ARID2: variants seen among roughly 807,000 people sequenced by gnomAD.
The protein encoded by ARID2 is AT-rich interaction domain 2, also known as AT-rich interactive domain-containing protein 2.
A neutral mutation model predicts 184.6 loss-of-function variants in ARID2; 32 were observed. That is an observed-to-expected ratio of 0.17 (90% CI 0.13 to 0.23). The LOEUF is 0.23. Among genes scored for constraint, ARID2 ranks in the 10% least tolerant of loss-of-function variants. ARID2 has a pLI of 1.00. For synonymous variants in ARID2, 836 were observed against 772.6 expected (o/e 1.08, Z -1.36); for missense variants, 1,696 against 2,197.6 (o/e 0.77, Z 4.56).
rs760970569 is a variant in ARID2 at position 45,849,719 on chromosome 12, A to G, written c.1855A>G (p.Thr619Ala). Residue 619 changes from threonine (T) to alanine (A), a missense_variant, in exon 14 of 21, where the codon ACT becomes GCT. Physicochemically the swap from Thr to Ala is moderately conservative, Grantham distance 58. This residue lies in a region of ARID2 where 713 missense variants were observed against 824.4 expected (regional missense o/e 0.86). Coordinates refer to ENST00000334344, the MANE Select transcript of ARID2 (RefSeq NM_152641.4). ...QMYYQQQPVSTSVVRVDSVPD... is the reference protein window; with the variant it reads ...QMYYQQQPVSASVVRVDSVPD... ...GTACTATCAGCAGCAACCAGTTTCTACTTCTGTTGTTCGTGTTGATTCTGT... is the reference window on the plus strand; with the variant it reads ...GTACTATCAGCAGCAACCAGTTTCTGCTTCTGTTGTTCGTGTTGATTCTGT... 6.2e-7 allele frequency: 1 copy of G among 1,613,596 alleles called. No homozygotes were observed.
chr12:45,763,251 A>T (rs1941712860), intron 3 of ARID2, among the ~76,000 whole-genome samples: 1 of 152,166 alleles, frequency 6.6e-6, no homozygotes, highest in Admixed American at 6.5e-5. Context: ...CGGGTGGATC[A>T]TGAGGTCAGG....
chr12:45,773,288 TAAAA>T (rs1565590719), intron 3 of ARID2, among the ~76,000 whole-genome samples: 1 of 151,762 alleles, frequency 6.6e-6, no homozygotes, highest in Non-Finnish European at 1.5e-5. Context: ...AAATGTCTAT[TAAAA>T]AAGAAGAAAA....
chr12:45,766,655 A>T (rs1941775234), intron 3 of ARID2, among the ~76,000 whole-genome samples: 1 of 151,858 alleles, frequency 6.6e-6, no homozygotes, highest in South Asian at 2.1e-4. Flanking sequence ...CTGGGACTAC[A>T]GGCACCCACC....
At chr12:45,887,852 A>C (rs1027349964) in intron 16 of ARID2, among the ~76,000 whole-genome samples, 1 of 152,204 alleles carries the variant, frequency 6.6e-6, no homozygotes. Context: ...ACCAATATAT[A>C]AGTGAAGGAG....
At chr12:45,886,658 A>G (rs1360130081) in intron 16 of ARID2, among the ~76,000 whole-genome samples, 1 of 152,172 alleles carries the variant, frequency 6.6e-6, no homozygotes, top group African/African-American at 2.4e-5. Context: ...GTTCCCAAAC[A>G]TCCTCTGAAA....
chr12:45,883,439 G>C (rs1422894719), intron 16 of ARID2, among the ~76,000 whole-genome samples: 1 of 150,228 alleles, frequency 6.7e-6, no homozygotes, highest in African/African-American at 2.5e-5. Context: ...TGAGAATCTA[G>C]TATGTACTTC....
chr12:45,843,257 T>C (rs1247080103), intron 11 of ARID2, among the ~76,000 whole-genome samples: 2 of 149,986 alleles, frequency 1.3e-5, no homozygotes, highest in African/African-American at 5.1e-5. Context: ...ATTCAAGAAG[T>C]TTTAGCACAG....
At chr12:45,831,406 G>A (rs1040331515) in intron 6 of ARID2, among the ~76,000 whole-genome samples, 1 of 152,094 alleles carries the variant, frequency 6.6e-6, no homozygotes, top group Non-Finnish European at 1.5e-5. Flanking sequence ...TGGATATGTA[G>A]TAGGTTCATA....
intron 3 of ARID2, among the ~76,000 whole-genome samples, chr12:45,736,501 A>T (rs755503076): frequency 9.2e-5 from 14 of 152,170 alleles, no homozygotes; most frequent in Non-Finnish European, 1.9e-4. Context: ...TTTTAGGTAA[A>T]GTATTTAAAA....
At chr12:45,805,037 T>A (rs1942575676) in intron 3 of ARID2, among the ~76,000 whole-genome samples, 1 of 152,128 alleles carries the variant, frequency 6.6e-6, no homozygotes. Flanking sequence ...CCATATAGTA[T>A]TTTATTGCCT....
intron 20 of ARID2, among the ~76,000 whole-genome samples, chr12:45,899,270 CAAAAA>C (rs774912363): frequency 1.9e-4 from 9 of 46,334 alleles, no homozygotes; most frequent in African/African-American, 1.3e-3. Context: ...GACTCTGTCT[CAAAAA>C]AAAAAAAAAA....
At chr12:45,855,659 A>C (rs1178138553) in intron 15 of ARID2, among the ~76,000 whole-genome samples, 1 of 152,212 alleles carries the variant, frequency 6.6e-6, no homozygotes, top group Non-Finnish European at 1.5e-5. Flanking sequence ...GGGCCTTCTG[A>C]AAAGCATGCT....
intron 3 of ARID2, among the ~76,000 whole-genome samples, chr12:45,744,031 A>G (rs952661480): frequency 6.6e-6 from 1 of 151,492 alleles, no homozygotes; most frequent in African/African-American, 2.4e-5. Flanking sequence ...TTTTACCTGT[A>G]TACTTGGTGT....
intron 3 of ARID2, among the ~76,000 whole-genome samples, chr12:45,787,884 T>C (rs966644509): frequency 6.6e-5 from 10 of 152,204 alleles, no homozygotes; most frequent in African/African-American, 2.4e-4. Flanking sequence ...CTTGTTTTCC[T>C]ACCCTGCCTA....
At chr12:45,893,299 C>A in intron 18 of ARID2, 121 bp from the exon 19 acceptor site, 1 of 1,221,992 alleles carries the variant, frequency 8.2e-7, no homozygotes, top group East Asian at 2.7e-5. Context: ...GACCTTTAGT[C>A]ACCCTGTAAA....
rs980437147 is a variant in ARID2, at chr12:45,795,139, ATAAAT to A, written c.285-16277_285-16273del. Among the ~76,000 whole-genome samples the A allele has an allele frequency of 8.5e-5, 13 of 152,254 alleles. No individual in the cohort carries two copies. In the East Asian group the frequency reaches 2.3e-3, roughly 27 times the overall value. Reference sequence around the variant, plus strand: ...TTTATGTTTTATAATAATTTTAGAAATAAATTCAGATATTTATGAAGGGTGATATT... The same window carrying A: ...TTTATGTTTTATAATAATTTTAGAAATCAGATATTTATGAAGGGTGATATT... On this transcript the variant is annotated intron_variant, in intron 3 of 20. Coordinates refer to ENST00000334344, the MANE Select transcript of ARID2 (RefSeq NM_152641.4).
In ARID2 at chr12:45,891,855, G is replaced by A. The variant is rs751284873; in HGVS notation, c.4998G>A (p.Gln1666=). Residue 1666 remains glutamine (Q), a synonymous_variant, in exon 17 of 21, where the codon CAG becomes CAA. Transcript: ENST00000334344. The part of the protein sequence containing the change: ...EHGGKDVYPG[Q]CLWEGCEPFQ... ...GAGGAAAAGATGTATATCCAGGGCA[G>A]TGTCTTTGGGAAGGTTGTGAGCCTT... 5.6e-6 allele frequency: 9 copies of A among 1,614,206 alleles called. No homozygotes were observed. The highest frequency in any genetic ancestry group is 1.3e-5 in the African/African-American group (1 of 75,062).
intron 3 of ARID2, among the ~76,000 whole-genome samples, chr12:45,743,473 G>A (rs1174400494): frequency 6.6e-6 from 1 of 152,198 alleles, no homozygotes; most frequent in Non-Finnish European, 1.5e-5. Context: ...TTACTTTCAA[G>A]CAACGAACTG....
chr12:45,744,878 A>G (rs558945362), intron 3 of ARID2, among the ~76,000 whole-genome samples: 15 of 152,302 alleles, frequency 9.8e-5, no homozygotes, highest in African/African-American at 3.1e-4. Context: ...ACAATTAATC[A>G]TAATTTGGTT....
Sources: allele counts gnomAD v4.1 joint callset (sites outside exome capture counted in the v4.1 genomes callset), GRCh38; gene constraint gnomAD v4.1.1; regional missense constraint gnomAD v4.1.1; transcripts MANE v1.5; gene names NCBI Gene and HGNC (gene_info 2026-07-23, HGNC 2026-07-21).